FHOD3: variants seen among roughly 807,000 people sequenced by gnomAD.
FHOD3 encodes formin homology 2 domain containing 3.
FHOD3 carries 90 observed loss-of-function variants against 173.0 expected under a neutral mutation model. The ratio of observed to expected loss-of-function variants is 0.52; its 90% CI spans 0.44 to 0.62. The LOEUF (loss-of-function observed/expected upper bound fraction) is 0.62. FHOD3 is among the 20% of genes least tolerant of loss of function. The probability of loss-of-function intolerance (pLI) is 0.00; values close to 1 mark genes in which losing one functional copy is unlikely to be tolerated. For missense variants in FHOD3, 1,945 were observed against 2,034.7 expected, an observed-to-expected ratio of 0.96 and a Z score of 0.85; for synonymous variants, 828 against 823.0, an observed-to-expected ratio of 1.01 and a Z score of -0.10.
chr18:36,723,530 A>G (rs1415599819), intron 19 of FHOD3, among the ~76,000 whole-genome samples: 1 of 152,156 alleles, frequency 6.6e-6, no homozygotes, highest in African/African-American at 2.4e-5. Flanking sequence ...TTCTCAACGG[A>G]CAGTTTTGAA....
chr18:36,415,372 G>A (rs1424026491), intron 3 of FHOD3, among the ~76,000 whole-genome samples: 1 of 152,236 alleles, frequency 6.6e-6, no homozygotes, highest in Non-Finnish European at 1.5e-5. Context: ...AGGGAGCAGT[G>A]AGGCTGAGAT....
At chr18:36,477,126 G>A in intron 3 of FHOD3, among the ~76,000 whole-genome samples, 1 of 152,212 alleles carries the variant, frequency 6.6e-6, no homozygotes, top group Middle Eastern at 3.4e-3. Context: ...TAAGGAGGAG[G>A]ACAGGGACAT....
rs71381571 is a variant in FHOD3, at chr18:36,380,578, TTTTCCTTTCCTTTCCTTTCC to T, written c.337+7879_337+7898del. On this transcript the variant is annotated intron_variant, in intron 3 of 28. Transcript: ENST00000590592. ...TTTTCTTTTCTTTTCTTTTCTTTTC[TTTTCCTTTCCTTTCCTTTCC>T]TTTCCTTTCCTTTCCTTTCCTTTCC... 1.9e-3 allele frequency among the ~76,000 whole-genome samples: 100 copies of T among 52,452 alleles called. 1 individual carries two copies. Among genetic ancestry groups the T allele is most frequent in the African/African-American group, 2.4e-3 (29 of 12,304 alleles). 34.4% of individuals were successfully genotyped at this position (52,452 alleles called of 152,430 possible).
chr18:36,557,584 CAT>C (rs2057938339), intron 5 of FHOD3, among the ~76,000 whole-genome samples: 1 of 152,148 alleles, frequency 6.6e-6, no homozygotes, highest in Non-Finnish European at 1.5e-5. Flanking sequence ...TGATAATTCC[CAT>C]ATGTTTTAAT....
chr18:36,474,987 AC>A, intron 3 of FHOD3, among the ~76,000 whole-genome samples: 1 of 18,502 alleles, frequency 5.4e-5, no homozygotes, highest in Non-Finnish European at 9.5e-5. Flanking sequence ...ATACACACAT[AC>A]ACACACACAC....
intron 3 of FHOD3, among the ~76,000 whole-genome samples, chr18:36,490,375 A>G (rs755651156): frequency 1.3e-4 from 20 of 152,162 alleles, no homozygotes; most frequent in Non-Finnish European, 1.9e-4. Flanking sequence ...ATAGTGTCCT[A>G]TGAACTAATT....
chr18:36,675,465 C>G (rs551783100), intron 14 of FHOD3, among the ~76,000 whole-genome samples: 1 of 152,280 alleles, frequency 6.6e-6, no homozygotes, highest in East Asian at 1.9e-4. Context: ...TTGCTTCTCT[C>G]AAATGCACAA....
chr18:36,348,802 G>A (rs1387977427), intron 1 of FHOD3, among the ~76,000 whole-genome samples: 3 of 152,142 alleles, frequency 2.0e-5, no homozygotes, highest in Admixed American at 1.3e-4. Context: ...TTCTTGCTCT[G>A]TGGCATGTCA....
intron 9 of FHOD3, among the ~76,000 whole-genome samples, chr18:36,616,144 G>A (rs2033175538): frequency 6.6e-6 from 1 of 152,248 alleles, no homozygotes; most frequent in African/African-American, 2.4e-5. Flanking sequence ...GGAAGAGGAA[G>A]AGAGCTCAAG....
intron 14 of FHOD3, among the ~76,000 whole-genome samples, chr18:36,662,585 G>A (rs2036883919): frequency 6.6e-6 from 1 of 152,160 alleles, no homozygotes; most frequent in Admixed American, 6.5e-5. Context: ...TCTCATAGTT[G>A]TCCCAGCAGA....
At chr18:36,764,918 G>A (rs1261849589) in intron 27 of FHOD3, among the ~76,000 whole-genome samples, 2 of 152,222 alleles carry the variant, frequency 1.3e-5, no homozygotes, top group Non-Finnish European at 2.9e-5. Context: ...TTGGAGGTGA[G>A]CTGACATTGC....
Position 36,359,620 on chromosome 18 carries a change from C to T in FHOD3, c.272+3975C>T, listed in dbSNP as rs186524664. ...GAATAAGGAAAATATGGCCCAATCC[C>T]ATTTATCTTCCTGTATGAAGAGGGG... On this transcript the variant is annotated intron_variant, in intron 2 of 28. Transcript: ENST00000590592. Among the ~76,000 whole-genome samples the T allele has an allele frequency of 2.0e-5, 3 of 152,232 alleles. No individual in the cohort carries two copies. In the East Asian group the frequency reaches 5.8e-4, roughly 29 times the overall value.
At chr18:36,451,677 A>G (rs753459841) in intron 3 of FHOD3, among the ~76,000 whole-genome samples, 5 of 152,214 alleles carry the variant, frequency 3.3e-5, no homozygotes, top group Non-Finnish European at 5.9e-5. Context: ...CCTGGCAGGA[A>G]CAGAGCCCTG....
At chr18:36,368,000 C>T (rs933776088) in intron 2 of FHOD3, among the ~76,000 whole-genome samples, 1 of 152,010 alleles carries the variant, frequency 6.6e-6, no homozygotes, top group Non-Finnish European at 1.5e-5. Flanking sequence ...TCCTGAGCCT[C>T]CCCAGCCATG....
At chr18:36,537,984 C>T (rs1025093652) in intron 5 of FHOD3, among the ~76,000 whole-genome samples, 1 of 152,074 alleles carries the variant, frequency 6.6e-6, no homozygotes, top group Non-Finnish European at 1.5e-5. Flanking sequence ...TAAACTCATG[C>T]AGAATGTGTT....
rs771338841 is a variant in FHOD3 at position 36,718,204 on chromosome 18, C to T, written c.2906C>T (p.Pro969Leu). The part of the protein sequence containing the change: ...EPNDKVPETA[P>L]VQPKTESDYI... ...AATGACAAGGTCCCAGAAACAGCGC[C>T]GGTGCAGCCGAAGACAGAGTCTGAT... Residue 969 changes from proline to leucine, a missense_variant, in exon 19 of 29, where the codon CCG becomes CTG. Pro to Leu is a moderately conservative substitution (Grantham distance 98). Coordinates refer to ENST00000590592, the MANE Select transcript of FHOD3 (RefSeq NM_001281740.3). 21 of 1,613,856 alleles carry T rather than the reference C, an allele frequency of 1.3e-5. No homozygotes were observed. Among genetic ancestry groups the T allele is most frequent in the African/African-American group, 6.7e-5 (5 of 74,894 alleles).
At chr18:36,303,596 G>C (rs2092012204) in intron 1 of FHOD3, among the ~76,000 whole-genome samples, 1 of 152,102 alleles carries the variant, frequency 6.6e-6, no homozygotes, top group African/African-American at 2.4e-5. Flanking sequence ...AACATGCTGA[G>C]GCCAACTCAG....
chr18:36,377,911 C>T (rs1314362477), intron 3 of FHOD3, among the ~76,000 whole-genome samples: 1 of 152,210 alleles, frequency 6.6e-6, no homozygotes, highest in Non-Finnish European at 1.5e-5. Flanking sequence ...CCACAAGAAG[C>T]TGCTTCTGCT....
intron 14 of FHOD3, among the ~76,000 whole-genome samples, chr18:36,680,502 C>A (rs2149393333): frequency 6.6e-6 from 1 of 152,334 alleles, no homozygotes; most frequent in South Asian, 2.1e-4. Context: ...ATTTTATTCT[C>A]CAGAGATCCA....
Sources: allele counts gnomAD v4.1 joint callset (sites outside exome capture counted in the v4.1 genomes callset), GRCh38; gene constraint gnomAD v4.1.1; transcripts MANE v1.5; gene names NCBI Gene and HGNC (gene_info 2026-07-23, HGNC 2026-07-21).